DSCAML1: variants seen among roughly 807,000 people sequenced by gnomAD.
DSCAML1 encodes the protein cell adhesion molecule DSCAML1.
In DSCAML1, 38 loss-of-function variants were observed where a neutral mutation model predicts 200.5. The observed-to-expected ratio is 0.19, with a 90% CI of 0.15 to 0.25. The LOEUF (loss-of-function observed/expected upper bound fraction) is 0.25, where lower values mean the gene tolerates loss of function less well. DSCAML1 is among the 10% of genes least tolerant of loss of function. The pLI is 1.00. For synonymous variants in DSCAML1, 1,215 were observed against 1,165.0 expected (o/e 1.04, Z -0.87); for missense variants, 2,223 against 2,858.8 (o/e 0.78, Z 5.07).
intron 3 of DSCAML1, among the ~76,000 whole-genome samples, chr11:117,606,186 A>T (rs2051562936): frequency 6.6e-6 from 1 of 152,072 alleles, no homozygotes; most frequent in South Asian, 2.1e-4. Context: ...TCCCACTCTT[A>T]CAGGGTTCTT....
chr11:117,432,811 A>G (rs1216951417), intron 29 of DSCAML1, among the ~76,000 whole-genome samples: 1 of 147,512 alleles, frequency 6.8e-6, no homozygotes, highest in Non-Finnish European at 1.5e-5. Context: ...GGATCTCACT[A>G]TGTTGCCCAG....
intron 3 of DSCAML1, among the ~76,000 whole-genome samples, chr11:117,587,259 C>CCG (rs1555187513): frequency 6.8e-6 from 1 of 147,938 alleles, no homozygotes; most frequent in Non-Finnish European, 1.5e-5. Flanking sequence ...TCCAACCCCC[C>CCG]CCCACGATTT....
chr11:117,769,069 T>A (rs566019839), intron 3 of DSCAML1, among the ~76,000 whole-genome samples: 1,198 of 9,228 alleles, frequency 0.13, 25 homozygotes, highest in African/African-American at 0.16. Flanking sequence ...CAAAAAAATA[T>A]ATATATAATC....
chr11:117,677,461 G>C (rs1311478679), intron 3 of DSCAML1, among the ~76,000 whole-genome samples: 1 of 152,134 alleles, frequency 6.6e-6, no homozygotes, highest in Non-Finnish European at 1.5e-5. Context: ...GCCCAGGAAA[G>C]CCAGGGAGGG....
intron 3 of DSCAML1, among the ~76,000 whole-genome samples, chr11:117,768,043 G>A (rs189995323): frequency 2.6e-5 from 4 of 152,208 alleles, no homozygotes; most frequent in Admixed American, 6.5e-5. Flanking sequence ...GCAAGGTAAC[G>A]GGGGCTGTTT....
intron 3 of DSCAML1, among the ~76,000 whole-genome samples, chr11:117,631,939 G>A (rs1297487172): frequency 6.6e-6 from 1 of 152,218 alleles, no homozygotes; most frequent in Non-Finnish European, 1.5e-5. Context: ...CAGAGAAGGA[G>A]GAGGTCTTAG....
chr11:117,777,560 G>A (rs951681985), intron 2 of DSCAML1, among the ~76,000 whole-genome samples: 2 of 152,192 alleles, frequency 1.3e-5, no homozygotes, highest in African/African-American at 4.8e-5. Context: ...GACTACGATT[G>A]TCTCTGAGCA....
At chr11:117,754,538 GAGA>G (rs982761772) in intron 3 of DSCAML1, among the ~76,000 whole-genome samples, 1 of 152,112 alleles carries the variant, frequency 6.6e-6, no homozygotes, top group Non-Finnish European at 1.5e-5. Flanking sequence ...CTCTCATAGA[GAGA>G]AGGTGAGGGA....
chr11:117,624,223 G>A (rs1565833403), intron 3 of DSCAML1, among the ~76,000 whole-genome samples: 1 of 152,196 alleles, frequency 6.6e-6, no homozygotes, highest in Non-Finnish European at 1.5e-5. Flanking sequence ...CAGCATCACA[G>A]GCGTTCACAG....
At chr11:117,571,214 T>C (rs1421599239) in intron 3 of DSCAML1, among the ~76,000 whole-genome samples, 1 of 152,198 alleles carries the variant, frequency 6.6e-6, no homozygotes, top group Non-Finnish European at 1.5e-5. Context: ...GAAATATCCC[T>C]GGCCTGGGAG....
chr11:117,524,592 C>A (rs950542348), intron 5 of DSCAML1, among the ~76,000 whole-genome samples: 11 of 152,224 alleles, frequency 7.2e-5, no homozygotes, highest in Non-Finnish European at 1.5e-5. Flanking sequence ...TGCCCAAAGT[C>A]AGTTACTATC....
At chr11:117,697,191 G>C (rs2053599430) in intron 3 of DSCAML1, among the ~76,000 whole-genome samples, 1 of 152,310 alleles carries the variant, frequency 6.6e-6, no homozygotes, top group Admixed American at 6.5e-5. Context: ...AAATTTGGCT[G>C]ACTCTTGTGC....
At chr11:117,458,286 C>T (rs1258614165) in intron 19 of DSCAML1, among the ~76,000 whole-genome samples, 2 of 152,190 alleles carry the variant, frequency 1.3e-5, no homozygotes, top group African/African-American at 4.8e-5. Context: ...CAAATGGAGG[C>T]ACACCCCCAT....
chr11:117,502,520 CG>C (rs1327916450), intron 11 of DSCAML1, among the ~76,000 whole-genome samples: 1 of 152,164 alleles, frequency 6.6e-6, no homozygotes, highest in East Asian at 1.9e-4. Flanking sequence ...CTCCCCAGGG[CG>C]GGGATTCCGG....
intron 3 of DSCAML1, among the ~76,000 whole-genome samples, chr11:117,762,156 C>T (rs2054815355): frequency 6.6e-6 from 1 of 152,198 alleles, no homozygotes; most frequent in Admixed American, 6.5e-5. Context: ...ATGACACCAC[C>T]TGTCACAAGT....
chr11:117,755,941 TG>T (rs1323300990), intron 3 of DSCAML1, among the ~76,000 whole-genome samples: 1 of 152,094 alleles, frequency 6.6e-6, no homozygotes, highest in Non-Finnish European at 1.5e-5. Flanking sequence ...TCCTTTGTCC[TG>T]GGAGAAGGAC....
At chr11:117,449,761 G>C (rs968060146) in intron 20 of DSCAML1, among the ~76,000 whole-genome samples, 4 of 152,176 alleles carry the variant, frequency 2.6e-5, no homozygotes, top group Admixed American at 6.5e-5. Flanking sequence ...TCCTGCTCCC[G>C]TACCTAGAAC....
At chr11:117,748,144 A>T (rs2137859782) in intron 3 of DSCAML1, among the ~76,000 whole-genome samples, 1 of 152,308 alleles carries the variant, frequency 6.6e-6, no homozygotes, top group South Asian at 2.1e-4. Context: ...AATGATACCA[A>T]AATTGTAGAC....
At chr11:117,731,463 C>T (rs1325387750) in intron 3 of DSCAML1, among the ~76,000 whole-genome samples, 2 of 152,190 alleles carry the variant, frequency 1.3e-5, no homozygotes, top group Non-Finnish European at 1.5e-5. Flanking sequence ...CCACTGAAGT[C>T]ATCCTCACAT....
Sources: allele counts gnomAD v4.1 joint callset (sites outside exome capture counted in the v4.1 genomes callset), GRCh38; gene constraint gnomAD v4.1.1; transcripts MANE v1.5; gene names NCBI Gene and HGNC (gene_info 2026-07-23, HGNC 2026-07-21).